Variants in KALRN observed in about 807,000 individuals in gnomAD.
KALRN encodes the protein kalirin.
KALRN carries 70 observed loss-of-function variants against 353.7 expected under a neutral mutation model. The observed-to-expected ratio is 0.20, with a 90% CI of 0.16 to 0.24. KALRN has a LOEUF of 0.24. KALRN is among the 10% of genes least tolerant of loss of function. The pLI, the probability that KALRN is intolerant of heterozygous loss-of-function variation, is 1.00. For synonymous variants in KALRN, 1,391 were observed against 1,434.8 expected (o/e 0.97, Z 0.69); for missense variants, 2,791 against 3,756.7 (o/e 0.74, Z 6.72).
chr3:124,517,359 C>G (rs1376294574), intron 33 of KALRN, among the ~76,000 whole-genome samples: 1 of 152,154 alleles, frequency 6.6e-6, no homozygotes, highest in African/African-American at 2.4e-5. Context: ...AGCTGGAGTT[C>G]TTACTAAGAG....
intron 34 of KALRN, among the ~76,000 whole-genome samples, chr3:124,602,979 T>C (rs2149470897): frequency 6.6e-6 from 1 of 152,370 alleles, no homozygotes; most frequent in Non-Finnish European, 1.5e-5. Flanking sequence ...TTTTGTTTTG[T>C]CTTTTAATTA....
At chr3:124,305,633 C>T (rs1214698418) in intron 6 of KALRN, among the ~76,000 whole-genome samples, 2 of 152,144 alleles carry the variant, frequency 1.3e-5, no homozygotes, top group Admixed American at 1.3e-4. Context: ...GCCTGTGAGC[C>T]TATCCAATGC....
chr3:124,467,699 C>T (rs1255138352), intron 25 of KALRN, among the ~76,000 whole-genome samples: 1 of 152,136 alleles, frequency 6.6e-6, no homozygotes, highest in Non-Finnish European at 1.5e-5. Context: ...GTCGCACTCC[C>T]AGGTAGGCTG....
chr3:124,204,946 G>T (rs1333879175), intron 1 of KALRN, among the ~76,000 whole-genome samples: 1 of 148,042 alleles, frequency 6.8e-6, no homozygotes, highest in African/African-American at 2.5e-5. Context: ...TGTTAAGGGA[G>T]ACATACTTCT....
At chr3:124,382,508 T>C (rs2087540262) in intron 10 of KALRN, among the ~76,000 whole-genome samples, 1 of 152,212 alleles carries the variant, frequency 6.6e-6, no homozygotes, top group Admixed American at 6.5e-5. Flanking sequence ...AGGGGATTTC[T>C]GGGACACAGG....
intron 47 of KALRN, among the ~76,000 whole-genome samples, chr3:124,667,884 G>A (rs2085849781): frequency 6.6e-6 from 1 of 152,120 alleles, no homozygotes; most frequent in Admixed American, 6.5e-5. Flanking sequence ...GCTTGGCATG[G>A]GAAAGGGGTA....
chr3:124,187,297 G>C (rs916701282), intron 1 of KALRN, among the ~76,000 whole-genome samples: 2 of 152,122 alleles, frequency 1.3e-5, no homozygotes, highest in African/African-American at 4.8e-5. Context: ...AGCCAGGCTG[G>C]TCTGGAACTC....
chr3:124,478,586 G>C (rs1237486899), intron 27 of KALRN, among the ~76,000 whole-genome samples: 2 of 152,128 alleles, frequency 1.3e-5, no homozygotes, highest in Non-Finnish European at 2.9e-5. Flanking sequence ...AATACCTGGG[G>C]TTAGATTTGG....
In KALRN at chr3:124,278,319, G is replaced by C. The variant is rs2074984131; in HGVS notation, c.969+9064G>C. 2.6e-5 allele frequency among the ~76,000 whole-genome samples: 4 copies of C among 152,246 alleles called. No individual in the cohort carries two copies. The South Asian group carries it at 8.3e-4, about 32-fold the overall frequency. On this transcript the variant is annotated intron_variant, in intron 5 of 59. Transcript: ENST00000682506. ...TCTGGGTGGGGTAGGGCTGGTGGAG[G>C]TGGGGTGAGTGTCTTAGTATGTATG...
At chr3:124,473,156 A>G (rs1484318095) in intron 25 of KALRN, among the ~76,000 whole-genome samples, 1 of 152,232 alleles carries the variant, frequency 6.6e-6, no homozygotes, top group African/African-American at 2.4e-5. Context: ...ATGTCACGGA[A>G]GGAGGAACAC....
Position 124,317,664 on chromosome 3 carries a change from C to G in KALRN, c.1093-8316C>G, listed in dbSNP as rs149736468. 1.5e-4 allele frequency among the ~76,000 whole-genome samples: 20 copies of G among 131,034 alleles called. No homozygotes were observed. The Admixed American group carries it at 1.7e-3, about 11-fold the overall frequency. The allele number at this position is 131,034 out of a possible 152,430, so 86.0% of individuals were successfully genotyped here. On this transcript the variant is annotated intron_variant, in intron 6 of 59. Coordinates refer to ENST00000682506, the MANE Select transcript of KALRN (RefSeq NM_001388419.1). ...CCTGAAATACTGTATTTCTAACAAG[C>G]TGCTAGGTGAAGCCAGTGTCACAGA...
At chr3:124,072,926 G>A (rs1220461915) in intron 1 of KALRN, among the ~76,000 whole-genome samples, 1 of 152,204 alleles carries the variant, frequency 6.6e-6, no homozygotes. Context: ...TCTCCAACAG[G>A]ACCAGCACTG....
At chr3:124,233,466 G>T (rs2079406177) in intron 2 of KALRN, among the ~76,000 whole-genome samples, 1 of 152,186 alleles carries the variant, frequency 6.6e-6, no homozygotes, top group African/African-American at 2.4e-5. Flanking sequence ...GTATGAATCT[G>T]CCCTGAGTGG....
intron 58 of KALRN, among the ~76,000 whole-genome samples, chr3:124,716,511 G>C (rs1007345598): frequency 6.6e-6 from 1 of 152,184 alleles, no homozygotes; most frequent in African/African-American, 2.4e-5. Context: ...GTGAAAGAGA[G>C]ACTTTGTCTC....
At chr3:124,560,513 G>A (rs1220964499) in intron 33 of KALRN, among the ~76,000 whole-genome samples, 2 of 152,234 alleles carry the variant, frequency 1.3e-5, no homozygotes, top group Non-Finnish European at 2.9e-5. Context: ...GAATGTCAGA[G>A]TGGAGCTTGT....
intron 57 of KALRN, among the ~76,000 whole-genome samples, chr3:124,707,419 TTCCTTCC>T (rs1324172984): frequency 6.6e-6 from 1 of 150,454 alleles, no homozygotes; most frequent in Non-Finnish European, 1.5e-5. Flanking sequence ...CCTTCCTTCC[TTCCTTCC>T]TTCCTTCCTT....
At chr3:124,235,308 A>G (rs909598992) in intron 3 of KALRN, among the ~76,000 whole-genome samples, 1 of 152,162 alleles carries the variant, frequency 6.6e-6, no homozygotes, top group Non-Finnish European at 1.5e-5. Flanking sequence ...CCATGTATTA[A>G]ACACAGGTAT....
At chr3:124,396,865 T>G (rs1417647068) in intron 12 of KALRN, among the ~76,000 whole-genome samples, 1 of 152,242 alleles carries the variant, frequency 6.6e-6, no homozygotes, top group Admixed American at 6.5e-5. Context: ...CCATTCATTA[T>G]GCCAGTAACC....
At chr3:124,168,685 A>G (rs1246760298) in intron 1 of KALRN, among the ~76,000 whole-genome samples, 2 of 152,086 alleles carry the variant, frequency 1.3e-5, no homozygotes, top group South Asian at 2.1e-4. Flanking sequence ...GCTTCCTCTC[A>G]TGTCTTTGCA....
Sources: gnomAD v4.1 joint callset for allele counts (sites outside exome capture counted in the v4.1 genomes callset) on GRCh38, gnomAD v4.1.1 for gene constraint, MANE v1.5 for transcripts, NCBI Gene and HGNC (gene_info 2026-07-23, HGNC 2026-07-21) for gene names.